Variants in RASGRP2 observed in about 807,000 individuals in gnomAD.
RASGRP2 encodes RAS guanyl-releasing protein 2.
RASGRP2 carries 44 observed loss-of-function variants against 71.0 expected under a neutral mutation model. The ratio of observed to expected loss-of-function variants is 0.62; its 90% confidence interval spans 0.49 to 0.80. The LOEUF is 0.80. RASGRP2 is among the 30% of genes least tolerant of loss of function. The probability of loss-of-function intolerance (pLI) is 0.00; values close to 1 mark genes in which losing one functional copy is unlikely to be tolerated. For missense variants in RASGRP2, 663 were observed against 813.4 expected (o/e 0.82, Z 2.25); for synonymous variants, 350 against 330.7 (o/e 1.06, Z -0.63).
Position 64,735,690 on chromosome 11 carries a change from A to G in RASGRP2, c.1174-26T>C. 1 of 1,598,704 alleles carries G rather than the reference A, an allele frequency of 6.3e-7. No individual in the cohort carries two copies. The highest frequency in any genetic ancestry group is 1.1e-5 in the South Asian group (1 of 89,220). Reference sequence around the variant, plus strand: ...CTATGGAAATGGTCGGGCCTGAGCTAGGGCCAGAGGCAGGGGAAGCCCAGA... The same window carrying G: ...CTATGGAAATGGTCGGGCCTGAGCTGGGGCCAGAGGCAGGGGAAGCCCAGA... On this transcript the variant is annotated intron_variant, in intron 10 of 16. Coordinates refer to ENST00000394432, the MANE Select transcript of RASGRP2 (RefSeq NM_001098671.2). The surrounding 1 kb of genome is among the most constrained non-coding windows in gnomAD (Gnocchi z 4.2).
chr11:64,739,447 C>A lies in RASGRP2; in HGVS notation c.726G>T (p.Thr242=). ...EKLLQLQNFN[T]LMAVVGGLSH... is the part of the protein sequence containing the mutation. ...TCAGGCCCCCGACCACTGCCATCAG[C>A]GTGTTGAAGTTCTGCAGCTGTAGCA... The change falls in exon 8 of 17, where the codon ACG becomes ACT. Residue 242 remains threonine, a synonymous_variant. Coordinates refer to ENST00000394432, the MANE Select transcript of RASGRP2 (RefSeq NM_001098671.2). The surrounding 1 kb of genome is among the most constrained non-coding windows in gnomAD (Gnocchi z 4.2). 6.2e-7 allele frequency: 1 copy of A among 1,614,128 alleles called. No individual in the cohort carries two copies. Among genetic ancestry groups the A allele is most frequent in the South Asian group, 1.1e-5 (1 of 91,084 alleles).
At chr11:64,729,107 C>A in intron 14 of RASGRP2, 65 bp from the exon 15 acceptor site, 7 of 1,489,098 alleles carry the variant, frequency 4.7e-6, no homozygotes, top group South Asian at 1.2e-5. Flanking sequence ...TCCCATCCCG[C>A]AGGCTTGTGC....
chr11:64,735,145 T>TTCCCCA lies in RASGRP2; in HGVS notation c.1378_1379insTGGGGA (p.Tyr460delinsLeuGlyAsn). The TTCCCCA allele has an allele frequency of 6.2e-7, 1 of 1,614,094 alleles. No homozygotes were observed. Among genetic ancestry groups the TTCCCCA allele is most frequent in the Non-Finnish European group, 8.5e-7 (1 of 1,180,008 alleles). On this transcript the variant is annotated protein_altering_variant, in exon 12 of 17. Coordinates refer to ENST00000394432, the MANE Select transcript of RASGRP2 (RefSeq NM_001098671.2). The surrounding 1 kb of genome is among the most constrained non-coding windows in gnomAD (Gnocchi z 4.2). ...GTCGAGGTCCCCAAAGGCGCTGAGG[T>TTCCCCA]AAGGGAAGTTCCCACGGATGATCTG... is the stretch of plus-strand genomic sequence containing the variant.
Position 64,739,172 on chromosome 11 carries a change from T to A in RASGRP2, c.813+188A>T, listed in dbSNP as rs2058040037. 6.8e-6 allele frequency among the ~76,000 whole-genome samples: 1 copy of A among 147,928 alleles called. No individual in the cohort carries two copies. The highest frequency in any genetic ancestry group is 6.8e-5 in the Admixed American group (1 of 14,808). On this transcript the variant is annotated intron_variant, in intron 8 of 16. Coordinates refer to ENST00000394432, the MANE Select transcript of RASGRP2 (RefSeq NM_001098671.2). This position sits in a 1 kb window ranked among gnomAD's most constrained non-coding sequence, Gnocchi z 4.2. ...AAAAAAAAAAGTACTAGCTTTGGGGTCCCTGACGACCTGTGAGCCCCCACT... is the reference window on the plus strand; with the variant it reads ...AAAAAAAAAAGTACTAGCTTTGGGGACCCTGACGACCTGTGAGCCCCCACT...
rs556716439 is a variant in RASGRP2, at chr11:64,736,831, G to A, written c.1017C>T (p.Ser339=). The A allele has an allele frequency of 6.2e-7, 1 of 1,612,922 alleles. No individual in the cohort carries two copies. Among genetic ancestry groups the A allele is most frequent in the Non-Finnish European group, 8.5e-7 (1 of 1,179,918 alleles). The change falls in exon 9 of 17, where the codon AGC becomes AGT. Residue 339 remains serine (S), a synonymous_variant. Coordinates refer to ENST00000394432, the MANE Select transcript of RASGRP2 (RefSeq NM_001098671.2). ...LNGAKMKQLF[S]ILEELAMVTS... ...TCACCATGGCCAGCTCCTCCAGGAT[G>A]CTAAAGAGCTGCTTCATCTTGGCCC...
intron 5 of RASGRP2, 196 bp from the exon 6 acceptor site, chr11:64,740,359 A>T: frequency 1.4e-6 from 1 of 727,400 alleles, no homozygotes; most frequent in Admixed American, 2.0e-5. Flanking sequence ...ACATTTATGA[A>T]CAACGTACTC....
At position 64,736,734 on chromosome 11, in the gene RASGRP2, C is replaced by T. The variant is rs1241737331; in HGVS notation, c.1095+19G>A. ...CCCCTGGTGCCCAGCTCCCCACCTC[C>T]CTGCCCCCTGCTCCTCACCGTGAGC... On this transcript the variant is annotated intron_variant, in intron 9 of 16. Transcript: ENST00000394432. 3 of 1,563,248 alleles carry T rather than the reference C, an allele frequency of 1.9e-6. No homozygotes were observed. The African/African-American group carries it at 4.1e-5, about 21-fold the overall frequency.
Position 64,729,765 on chromosome 11 carries a change from G to C in RASGRP2, c.1588C>G (p.Arg530Gly), listed in dbSNP as rs1364848899. Residue 530 changes from arginine (R) to glycine (G), a missense_variant, in exon 14 of 17, where the codon CGA becomes GGA. Arg to Gly is a moderately radical substitution (Grantham distance 125). Transcript: ENST00000394432. ...CCTTCCAGTCATTCCATCTCACCTCGGCATTTGAGGCCCTGCTTGTAGATG... is the reference window on the plus strand; with the variant it reads ...CCTTCCAGTCATTCCATCTCACCTCCGCATTTGAGGCCCTGCTTGTAGATG... ...LGIYKQGLKC[R>G]ACGVNCHKQC... 6.2e-6 allele frequency: 10 copies of C among 1,613,958 alleles called. No homozygotes were observed. The Admixed American group carries it at 1.7e-4, about 27-fold the overall frequency.
chr11:64,732,598 G>C (rs746617221), intron 12 of RASGRP2, among the ~76,000 whole-genome samples: 1 of 152,246 alleles, frequency 6.6e-6, no homozygotes, highest in African/African-American at 2.4e-5. Context: ...TCGAGACCAC[G>C]GTGAAACCCC....
intron 15 of RASGRP2, among the ~76,000 whole-genome samples, chr11:64,728,431 A>AT (rs1017234792): frequency 4.1e-4 from 59 of 143,938 alleles, no homozygotes; most frequent in South Asian, 1.8e-3. Context: ...TTTATTTTTT[A>AT]TTTTTTTTTT....
In RASGRP2 at chr11:64,729,772, G is replaced by A. The variant is rs1157182961; in HGVS notation, c.1581C>T (p.Leu527=). 1 of 1,614,158 alleles carries A rather than the reference G, an allele frequency of 6.2e-7. No homozygotes were observed. The highest frequency in any genetic ancestry group is 1.1e-5 in the South Asian group (1 of 91,088). Residue 527 remains leucine (L), a synonymous_variant, in exon 14 of 17, where the codon CTC becomes CTT. Transcript: ENST00000394432. ...ALILGIYKQG[L]KCRACGVNCH... ...GTCATTCCATCTCACCTCGGCATTTGAGGCCCTGCTTGTAGATGCCCAGGA... is the reference window on the plus strand; with the variant it reads ...GTCATTCCATCTCACCTCGGCATTTAAGGCCCTGCTTGTAGATGCCCAGGA...
chr11:64,740,539 T>C, intron 5 of RASGRP2: 3 of 637,130 alleles, frequency 4.7e-6, no homozygotes, highest in South Asian at 1.5e-5. Flanking sequence ...CAAAGTGCCA[T>C]GGAAAACAGA....
rs2057599399 is a variant in RASGRP2 at position 64,727,367 on chromosome 11, G to A, written c.1772-7C>T. 1 of 1,613,636 alleles carries A rather than the reference G, an allele frequency of 6.2e-7. No individual in the cohort carries two copies. The highest frequency in any genetic ancestry group is 1.7e-5 in the Admixed American group (1 of 59,986). ...ACCTCCTCCTCACGGATCTCTGCTGGGAGGGGGATTGCTGCAGAACACACT... is the reference window on the plus strand; with the variant it reads ...ACCTCCTCCTCACGGATCTCTGCTGAGAGGGGGATTGCTGCAGAACACACT... On this transcript the variant is annotated splice_polypyrimidine_tract_variant and splice_region_variant and intron_variant, in intron 15 of 16. Transcript: ENST00000394432.
chr11:64,729,721 A>G (rs200952419), intron 14 of RASGRP2, 41 bp downstream of exon 14: 18 of 1,610,402 alleles, frequency 1.1e-5, no homozygotes, highest in East Asian at 1.1e-4. Flanking sequence ...AACAAAAAAA[A>G]AAAACACTGC....
At position 64,742,634 on chromosome 11, in the gene RASGRP2, G is replaced by A; in HGVS notation, c.73+160C>T. On this transcript the variant is annotated intron_variant, in intron 2 of 16. Transcript: ENST00000394432. The surrounding 1 kb of genome is among the most constrained non-coding windows in gnomAD (Gnocchi z 4.7). ...CTGTCTGAAGGGCGTGCATCTCTCT[G>A]CCCTGCGTTGCGGAGGAGGCTTTCG... 1 of 931,736 alleles carries A rather than the reference G, an allele frequency of 1.1e-6. No homozygotes were observed. Among genetic ancestry groups the A allele is most frequent in the Non-Finnish European group, 1.7e-6 (1 of 600,616 alleles). 57.7% of individuals were successfully genotyped at this position (931,736 alleles called of 1,614,324 possible). A position where few individuals can be genotyped will look rare whatever the true frequency, so the allele number is the denominator to read the frequency against.
In RASGRP2 at chr11:64,743,087, C is replaced by T; in HGVS notation, c.-71-150G>A. Reference sequence around the variant, plus strand: ...ACTCCCGGGGTTAAACGGTCTGGCCCGGGATGGTGCAACCCGCCAGTTGGG... The same window carrying T: ...ACTCCCGGGGTTAAACGGTCTGGCCTGGGATGGTGCAACCCGCCAGTTGGG... On this transcript the variant is annotated intron_variant, in intron 1 of 16. Transcript: ENST00000394432. The surrounding 1 kb of genome is among the most constrained non-coding windows in gnomAD (Gnocchi z 4.9). The T allele has an allele frequency of 2.3e-6, 2 of 877,752 alleles. No homozygotes were observed. Among genetic ancestry groups the T allele is most frequent in the African/African-American group, 1.7e-5 (1 of 60,266 alleles). 54.4% of individuals were successfully genotyped at this position (877,752 alleles called of 1,614,324 possible).
In RASGRP2 at chr11:64,742,195, A is replaced by T; in HGVS notation, c.74-83T>A. 2 of 1,120,744 alleles carry T rather than the reference A, an allele frequency of 1.8e-6. No homozygotes were observed. The highest frequency in any genetic ancestry group is 2.0e-5 in the Admixed American group (1 of 50,446). The allele number at this position is 1,120,744 out of a possible 1,614,324, so 69.4% of individuals were successfully genotyped here. On this transcript the variant is annotated intron_variant, in intron 2 of 16. Transcript: ENST00000394432. This position sits in a 1 kb window ranked among gnomAD's most constrained non-coding sequence, Gnocchi z 4.7. ...ATCCTCACCCCGCAACCCGCCAGGT[A>T]TCGGTCCTTCGGGTGCACGCTCGAC...
At chr11:64,729,083 C>G in intron 14 of RASGRP2, 41 bp from the exon 15 acceptor site, 1 of 1,550,166 alleles carries the variant, frequency 6.5e-7, no homozygotes, top group Non-Finnish European at 8.7e-7. Flanking sequence ...GGACATTGGT[C>G]AGAATACCCT....
At chr11:64,736,184 T>C (rs1253031490) in intron 9 of RASGRP2, among the ~76,000 whole-genome samples, 2 of 152,110 alleles carry the variant, frequency 1.3e-5, no homozygotes, top group South Asian at 4.1e-4. Flanking sequence ...CCCCAAACCT[T>C]GAACACAACA....
Sources: gnomAD v4.1 joint callset for allele counts (sites outside exome capture counted in the v4.1 genomes callset) on GRCh38, gnomAD v4.1.1 for gene constraint, Gnocchi (gnomAD v3.1) non-coding constraint, MANE v1.5 for transcripts, NCBI Gene and HGNC (gene_info 2026-07-23, HGNC 2026-07-21) for gene names.